The following KIF6 variants were observed in gnomAD, a reference collection of about 807,000 sequenced individuals.
KIF6 encodes kinesin-like protein KIF6.
Under a neutral mutation model 112.7 loss-of-function variants are expected in KIF6, and 106 were observed. That is an observed-to-expected ratio of 0.94 (90% CI 0.80 to 1.11). The LOEUF is 1.11. KIF6 is among the 50% of genes least tolerant of loss of function. The pLI is 0.00. For missense variants in KIF6, 929 were observed against 964.0 expected, an observed-to-expected ratio of 0.96 and a Z score of 0.48; for synonymous variants, 339 against 339.9, an observed-to-expected ratio of 1.00 and a Z score of 0.03.
intron 13 of KIF6, among the ~76,000 whole-genome samples, chr6:39,525,217 G>C (rs9380876): frequency 0.33 from 49,654 of 151,844 alleles, 10,385 homozygotes; most frequent in African/African-American, 0.58. Flanking sequence ...GATCTCAGCT[G>C]ACTGCAACCT....
At chr6:39,559,816 T>C (rs1779916134) in intron 10 of KIF6, among the ~76,000 whole-genome samples, 2 of 151,878 alleles carry the variant, frequency 1.3e-5, no homozygotes, top group Non-Finnish European at 2.9e-5. Context: ...TGAGGTTGTG[T>C]TAAGTGGTAC....
intron 13 of KIF6, among the ~76,000 whole-genome samples, chr6:39,441,382 C>T (rs573873743): frequency 2.0e-5 from 3 of 152,168 alleles, no homozygotes; most frequent in African/African-American, 4.8e-5. Flanking sequence ...GTCATCATGC[C>T]GGTGCCACCT....
chr6:39,411,798 A>G (rs962925402), intron 15 of KIF6, among the ~76,000 whole-genome samples: 2 of 152,214 alleles, frequency 1.3e-5, no homozygotes, highest in African/African-American at 4.8e-5. Flanking sequence ...CTTAGTTTTG[A>G]TTCCCTTTGT....
At chr6:39,569,898 C>T (rs984937353) in intron 10 of KIF6, among the ~76,000 whole-genome samples, 1 of 152,188 alleles carries the variant, frequency 6.6e-6, no homozygotes. Flanking sequence ...TGTTAGTACT[C>T]AGTCAGTGTT....
chr6:39,450,149 A>G (rs916429917), intron 13 of KIF6, among the ~76,000 whole-genome samples: 1 of 152,230 alleles, frequency 6.6e-6, no homozygotes, highest in African/African-American at 2.4e-5. Flanking sequence ...AAGAGTTTCC[A>G]TTTCTGAAAG....
At chr6:39,721,927 T>C (rs958719464) in intron 1 of KIF6, among the ~76,000 whole-genome samples, 4 of 152,060 alleles carry the variant, frequency 2.6e-5, no homozygotes, top group African/African-American at 9.7e-5. Context: ...AAAAGTCATA[T>C]TCCTAAGCAA....
chr6:39,582,068 A>ATG (rs1561833709), intron 9 of KIF6, among the ~76,000 whole-genome samples: 2 of 152,136 alleles, frequency 1.3e-5, no homozygotes, highest in African/African-American at 2.4e-5. Context: ...CAATCTATAC[A>ATG]GAATGAAAAT....
At chr6:39,715,484 G>A (rs865883089) in intron 2 of KIF6, among the ~76,000 whole-genome samples, 9 of 150,112 alleles carry the variant, frequency 6.0e-5, no homozygotes, top group South Asian at 4.3e-4. Context: ...TGGAACACTC[G>A]GGGTAGAAGA....
At chr6:39,679,609 C>T (rs919106471) in intron 3 of KIF6, among the ~76,000 whole-genome samples, 8 of 126,278 alleles carry the variant, frequency 6.3e-5, no homozygotes, top group Non-Finnish European at 1.3e-4. Flanking sequence ...GGTTTCTTTT[C>T]TTTTCTTTTT....
intron 7 of KIF6, among the ~76,000 whole-genome samples, chr6:39,589,640 G>A (rs937604230): frequency 5.2e-4 from 79 of 152,328 alleles, no homozygotes; most frequent in African/African-American, 1.9e-3. Flanking sequence ...GGTGAGCAGT[G>A]AGAGGTGGTA....
intron 13 of KIF6, among the ~76,000 whole-genome samples, chr6:39,481,750 T>C (rs1562253171): frequency 6.6e-6 from 1 of 152,204 alleles, no homozygotes; most frequent in Admixed American, 6.5e-5. Flanking sequence ...GGGTTCATCA[T>C]TGTTCTTGAA....
At position 39,635,546 on chromosome 6, in the gene KIF6, C is replaced by A. The variant is rs1034330681; in HGVS notation, c.400-588G>T. 2.0e-5 allele frequency among the ~76,000 whole-genome samples: 3 copies of A among 152,028 alleles called. No homozygotes were observed. In the South Asian group the frequency reaches 6.2e-4, roughly 32 times the overall value. ...TTAATAGTTCACTGCCAATACCTCA[C>A]CTGTGGAGTTAATTTTCCTGGCCCA... On this transcript the variant is annotated intron_variant, in intron 4 of 22. Transcript: ENST00000287152.
rs1249627765 is a variant in KIF6 at position 39,346,311 on chromosome 6, G to A, written c.2231+165C>T. ...GAACCTAATCTCCAATGTAATGGTA[G>A]TAGAGGTGGGGCCTTTGGGTGGTGA... On this transcript the variant is annotated intron_variant, in intron 20 of 22. Transcript: ENST00000287152. 12 of 696,434 alleles carry A rather than the reference G, an allele frequency of 1.7e-5. No homozygotes were observed. The Admixed American group carries it at 2.4e-4, about 14-fold the overall frequency. 43.1% of individuals were successfully genotyped at this position (696,434 alleles called of 1,614,324 possible).
intron 13 of KIF6, among the ~76,000 whole-genome samples, chr6:39,524,084 C>T (rs551865297): frequency 8.6e-5 from 13 of 150,908 alleles, no homozygotes; most frequent in African/African-American, 2.9e-4. Context: ...ACATGATTGG[C>T]GAAAGAATAA....
At chr6:39,400,402 TC>T (rs1768602698) in intron 15 of KIF6, among the ~76,000 whole-genome samples, 1 of 152,220 alleles carries the variant, frequency 6.6e-6, no homozygotes, top group Non-Finnish European at 1.5e-5. Flanking sequence ...TTAAATGTGT[TC>T]CTTTTTGCCC....
At chr6:39,655,499 G>A (rs1053765015) in intron 3 of KIF6, among the ~76,000 whole-genome samples, 2 of 151,708 alleles carry the variant, frequency 1.3e-5, no homozygotes, top group Admixed American at 1.3e-4. Context: ...TGCATTTCAT[G>A]TCTTCACAGG....
At chr6:39,337,333 G>A (rs1439758644) in intron 22 of KIF6, among the ~76,000 whole-genome samples, 1 of 137,020 alleles carries the variant, frequency 7.3e-6, no homozygotes, top group Non-Finnish European at 1.5e-5. Context: ...TTTCTTTCTG[G>A]ACGGAGTCTT....
At chr6:39,357,214 TA>T in intron 19 of KIF6, 62 bp downstream of exon 19, 2 of 1,001,546 alleles carry the variant, frequency 2.0e-6, no homozygotes, top group Non-Finnish European at 3.1e-6. Flanking sequence ...AGGAATAGGT[TA>T]AACAGAAAGG....
At chr6:39,549,338 A>G (rs1779243491) in intron 10 of KIF6, among the ~76,000 whole-genome samples, 1 of 152,238 alleles carries the variant, frequency 6.6e-6, no homozygotes, top group Admixed American at 6.5e-5. Context: ...AACATTGAGC[A>G]TGCACTAAAT....
Sources: gnomAD v4.1 joint callset for allele counts (sites outside exome capture counted in the v4.1 genomes callset) on GRCh38, gnomAD v4.1.1 for gene constraint, MANE v1.5 for transcripts, NCBI Gene and HGNC (gene_info 2026-07-23, HGNC 2026-07-21) for gene names.